Variants in NALF1 observed in about 807,000 individuals in gnomAD.
The protein encoded by NALF1 is family with sequence similarity 155 member A.
Under a neutral mutation model 48.4 loss-of-function variants are expected in NALF1, and 3 were observed. That is an observed-to-expected ratio of 0.06 (90% confidence interval 0.03 to 0.16). NALF1 has a LOEUF of 0.16. Among genes scored for constraint, NALF1 ranks in the 10% least tolerant of loss-of-function variants. NALF1 has a pLI of 1.00. For synonymous variants in NALF1, 262 were observed against 245.7 expected (o/e 1.07, Z -0.62); for missense variants, 526 against 571.5 (o/e 0.92, Z 0.81).
At chr13:107,644,642 C>CATAT (rs371201609) in intron 1 of NALF1, among the ~76,000 whole-genome samples, 2,028 of 92,152 alleles carry the variant, frequency 0.022, 120 homozygotes, top group African/African-American at 0.062. Flanking sequence ...TACATACATA[C>CATAT]ATACATATAT....
rs549128616 is a variant in NALF1, at chr13:107,817,869, G to A, written c.915+47813C>T. On this transcript the variant is annotated intron_variant, in intron 1 of 2. Transcript: ENST00000375915. Reference sequence around the variant, plus strand: ...CTTCCATTTGTTTATTTGCATCATAGTAGCGCAGCCCAAAGGCTTTTGTTT... The same window carrying A: ...CTTCCATTTGTTTATTTGCATCATAATAGCGCAGCCCAAAGGCTTTTGTTT... Among the ~76,000 whole-genome samples the A allele has an allele frequency of 1.6e-4, 24 of 152,166 alleles. No homozygotes were observed. The South Asian group carries it at 3.5e-3, about 22-fold the overall frequency.
At chr13:107,719,180 T>G (rs969430064) in intron 1 of NALF1, among the ~76,000 whole-genome samples, 1 of 152,252 alleles carries the variant, frequency 6.6e-6, no homozygotes, top group Non-Finnish European at 1.5e-5. Flanking sequence ...TGATGTTCTC[T>G]CTGTAACTAA....
chr13:107,552,002 C>T (rs1488692039), intron 1 of NALF1, among the ~76,000 whole-genome samples: 1 of 152,094 alleles, frequency 6.6e-6, no homozygotes, highest in Non-Finnish European at 1.5e-5. Flanking sequence ...TAAACATCTT[C>T]TTCAAAGTGT....
At chr13:107,567,811 C>G (rs1452233914) in intron 1 of NALF1, among the ~76,000 whole-genome samples, 5 of 152,106 alleles carry the variant, frequency 3.3e-5, no homozygotes, top group Admixed American at 3.3e-4. Context: ...CCTGCCAATC[C>G]CTAATCTGTT....
chr13:107,340,387 C>T (rs759570102), intron 1 of NALF1, among the ~76,000 whole-genome samples: 3 of 151,696 alleles, frequency 2.0e-5, no homozygotes, highest in Non-Finnish European at 1.5e-5. Context: ...GTGATCCGTT[C>T]GCTTCAGCCT....
At chr13:107,707,870 T>C (rs1000164475) in intron 1 of NALF1, among the ~76,000 whole-genome samples, 6 of 152,142 alleles carry the variant, frequency 3.9e-5, no homozygotes, top group Admixed American at 3.3e-4. Flanking sequence ...TGATACTCTA[T>C]ATTTTCTGTT....
intron 1 of NALF1, among the ~76,000 whole-genome samples, chr13:107,568,835 CA>C (rs1877894872): frequency 6.6e-6 from 1 of 152,094 alleles, no homozygotes; most frequent in Non-Finnish European, 1.5e-5. Flanking sequence ...ATTCTAAATA[CA>C]AGGTCATTGT....
intron 1 of NALF1, among the ~76,000 whole-genome samples, chr13:107,782,756 G>C (rs1877936159): frequency 6.6e-6 from 1 of 150,502 alleles, no homozygotes. Context: ...CCCCGTCTGG[G>C]AGGTGAGGAG....
At chr13:107,579,821 C>T (rs1258857836) in intron 1 of NALF1, among the ~76,000 whole-genome samples, 1 of 152,062 alleles carries the variant, frequency 6.6e-6, no homozygotes, top group Admixed American at 6.6e-5. Context: ...TATCCCTTCC[C>T]CCTCCCCCAC....
chr13:107,619,240 C>T (rs1031747616), intron 1 of NALF1, among the ~76,000 whole-genome samples: 9 of 152,292 alleles, frequency 5.9e-5, no homozygotes, highest in Admixed American at 5.9e-4. Flanking sequence ...TGTTTATGCG[C>T]TCAGGTCGGT....
At chr13:107,278,331 T>C (rs1881321106) in intron 1 of NALF1, among the ~76,000 whole-genome samples, 1 of 152,220 alleles carries the variant, frequency 6.6e-6, no homozygotes, top group African/African-American at 2.4e-5. Flanking sequence ...TTTTAAAAAA[T>C]TGGAATCACT....
chr13:107,369,786 C>T (rs1883217185), intron 1 of NALF1, among the ~76,000 whole-genome samples: 1 of 152,122 alleles, frequency 6.6e-6, no homozygotes, highest in Admixed American at 6.5e-5. Context: ...TTCTTGAAAT[C>T]ATATAATATA....
intron 1 of NALF1, among the ~76,000 whole-genome samples, chr13:107,391,438 T>C (rs1322986046): frequency 3.3e-5 from 5 of 152,188 alleles, no homozygotes; most frequent in African/African-American, 4.8e-5. Flanking sequence ...TACCTTGAAA[T>C]TGTCCTGCAA....
chr13:107,185,556 G>A (rs941705932), intron 2 of NALF1, among the ~76,000 whole-genome samples: 1 of 151,596 alleles, frequency 6.6e-6, no homozygotes, highest in African/African-American at 2.4e-5. Flanking sequence ...GAGATGATGG[G>A]GTCTTATTTG....
intron 1 of NALF1, among the ~76,000 whole-genome samples, chr13:107,749,655 A>G (rs1223871207): frequency 6.6e-6 from 1 of 152,082 alleles, no homozygotes; most frequent in Non-Finnish European, 1.5e-5. Flanking sequence ...TGTTCATAGT[A>G]TATCTTCAAA....
chr13:107,298,914 T>G (rs369199868), intron 1 of NALF1, among the ~76,000 whole-genome samples: 2 of 152,286 alleles, frequency 1.3e-5, no homozygotes, highest in African/African-American at 4.8e-5. Context: ...CTCTTAAATC[T>G]GAGAGTCTCT....
At chr13:107,401,248 C>T (rs577448467) in intron 1 of NALF1, among the ~76,000 whole-genome samples, 1 of 152,280 alleles carries the variant, frequency 6.6e-6, no homozygotes, top group South Asian at 2.1e-4. Context: ...CCATCAGTCA[C>T]TTAGTAGCTG....
At position 107,756,883 on chromosome 13, in the gene NALF1, G is replaced by A. The variant is rs938265223; in HGVS notation, c.915+108799C>T. On this transcript the variant is annotated intron_variant, in intron 1 of 2. Coordinates refer to ENST00000375915, the MANE Select transcript of NALF1 (RefSeq NM_001080396.3). Reference sequence around the variant, plus strand: ...AAAAGTTTAAGGATATGATTTTGTTGTAATGACATTAGATACACCCATGGA... The same window carrying A: ...AAAAGTTTAAGGATATGATTTTGTTATAATGACATTAGATACACCCATGGA... Among the ~76,000 whole-genome samples the A allele has an allele frequency of 2.0e-5, 3 of 152,114 alleles. 1 individual carries two copies. Among genetic ancestry groups the A allele is most frequent in the Admixed American group, 1.3e-4 (2 of 15,266 alleles).
intron 1 of NALF1, among the ~76,000 whole-genome samples, chr13:107,437,281 G>A (rs1884478200): frequency 6.6e-6 from 1 of 152,164 alleles, no homozygotes; most frequent in African/African-American, 2.4e-5. Context: ...TGACTATCCT[G>A]TATTGTTGGT....
Sources: allele counts gnomAD v4.1 joint callset (sites outside exome capture counted in the v4.1 genomes callset), GRCh38; gene constraint gnomAD v4.1.1; transcripts MANE v1.5; gene names NCBI Gene and HGNC (gene_info 2026-07-23, HGNC 2026-07-21).